The following XPO5 variants were observed in gnomAD, a reference collection of about 807,000 sequenced individuals.
XPO5 encodes exportin 5.
In XPO5, 46 loss-of-function variants were observed where a neutral mutation model predicts 160.6. The ratio of observed to expected loss-of-function variants is 0.29; its 90% confidence interval spans 0.23 to 0.37. The LOEUF is 0.37. Among genes scored for constraint, XPO5 ranks in the 10% least tolerant of loss-of-function variants. XPO5 has a pLI of 1.00. For synonymous variants in XPO5, 537 were observed against 519.3 expected (o/e 1.03, Z -0.46); for missense variants, 1,090 against 1,463.9 (o/e 0.74, Z 4.17).
chr6:43,555,317 AG>A (rs1331944362), intron 13 of XPO5: 2 of 153,174 alleles, frequency 1.3e-5, no homozygotes, highest in African/African-American at 4.8e-5. Flanking sequence ...AGTACAGAGA[AG>A]TTAACTGGCT....
At position 43,523,513 on chromosome 6, in the gene XPO5, C is replaced by T; in HGVS notation, c.*355G>A. 4.7e-6 allele frequency: 2 copies of T among 427,306 alleles called. No individual in the cohort carries two copies. The highest frequency in any genetic ancestry group is 3.1e-5 in the Admixed American group (1 of 32,012). The allele number at this position is 427,306 out of a possible 1,614,324, so 26.5% of individuals were successfully genotyped here. On this transcript the variant is annotated 3_prime_UTR_variant, in exon 32 of 32. Coordinates refer to ENST00000265351, the MANE Select transcript of XPO5 (RefSeq NM_020750.3). ...TTGCTAGTCGCAGGGTTGGGCACAG[C>T]ACCCTTAGTTACCATTCTGTACAGG...
intron 26 of XPO5, 124 bp downstream of exon 26, chr6:43,527,510 A>G: frequency 1.1e-6 from 1 of 915,200 alleles, no homozygotes; most frequent in Non-Finnish European, 1.7e-6. Flanking sequence ...TTGACCTCGC[A>G]ATCCACCATG....
rs536205936 is a variant in XPO5, at chr6:43,576,022, A to C, written c.-158T>G. 2 of 612,068 alleles carry C rather than the reference A, an allele frequency of 3.3e-6. No individual in the cohort carries two copies. The highest frequency in any genetic ancestry group is 5.4e-6 in the Non-Finnish European group (2 of 368,868). 37.9% of individuals were successfully genotyped at this position (612,068 alleles called of 1,614,324 possible). A position where few individuals can be genotyped will look rare whatever the true frequency, so the allele number is the denominator to read the frequency against. On this transcript the variant is annotated 5_prime_UTR_variant, in exon 1 of 32. Coordinates refer to ENST00000265351, the MANE Select transcript of XPO5 (RefSeq NM_020750.3). ...GTTAGCAGCAACTCGCGCTGGGAAGAAGCCGGCGCTGCGCACGCGCCCGGC... is the reference window on the plus strand; with the variant it reads ...GTTAGCAGCAACTCGCGCTGGGAAGCAGCCGGCGCTGCGCACGCGCCCGGC...
chr6:43,525,273 T>G lies in XPO5; in HGVS notation c.3067-59A>C. The G allele has an allele frequency of 1.4e-6, 2 of 1,477,864 alleles. 1 individual carries two copies. The highest frequency in any genetic ancestry group is 2.5e-5 in the South Asian group (2 of 80,796). The allele number at this position is 1,477,864 out of a possible 1,614,324, so 91.5% of individuals were successfully genotyped here. A position where few individuals can be genotyped will look rare whatever the true frequency, so the allele number is the denominator to read the frequency against. On this transcript the variant is annotated intron_variant, in intron 28 of 31. Coordinates refer to ENST00000265351, the MANE Select transcript of XPO5 (RefSeq NM_020750.3). ...AAAGAAGCACAGTTTTCTCTGATGA[T>G]TATTACACATCAGGAGCCGGAGGGT...
chr6:43,540,753 C>T lies in XPO5; in HGVS notation c.2342+5818G>A, dbSNP rs150378957. Among the ~76,000 whole-genome samples, 1,085 of 152,300 alleles carry T rather than the reference C, an allele frequency of 7.1e-3. 15 individuals carry two copies. The highest frequency in any genetic ancestry group is 0.025 in the African/African-American group (1,049 of 41,552). On this transcript the variant is annotated intron_variant, in intron 20 of 31. Transcript: ENST00000265351. ...GTGGCCTCCCAAAGTGCTGAGATTA[C>T]AGGCATGAGCCAACATGCCCAGCCC...
chr6:43,538,821 C>T (rs1302925637), intron 20 of XPO5: 1 of 1,071,084 alleles, frequency 9.3e-7, no homozygotes, highest in Non-Finnish European at 1.3e-6. Context: ...GTATAAAAAC[C>T]CTATGTTGTA....
chr6:43,528,041 T>G lies in XPO5; in HGVS notation c.2822+118A>C, dbSNP rs1793712251. 5.7e-6 allele frequency: 6 copies of G among 1,058,164 alleles called. No individual in the cohort carries two copies. The Admixed American group carries it at 1.2e-4, about 22-fold the overall frequency. 65.5% of individuals were successfully genotyped at this position (1,058,164 alleles called of 1,614,324 possible). A position where few individuals can be genotyped will look rare whatever the true frequency, so the allele number is the denominator to read the frequency against. ...AGCCATGTATCACCTAGGCTGAGAA[T>G]GACTACAACCTACTGCTCTTCTACC... On this transcript the variant is annotated intron_variant, in intron 25 of 31. Coordinates refer to ENST00000265351, the MANE Select transcript of XPO5 (RefSeq NM_020750.3).
intron 1 of XPO5, among the ~76,000 whole-genome samples, chr6:43,574,586 T>C (rs1214393062): frequency 1.3e-5 from 2 of 151,812 alleles, no homozygotes; most frequent in Non-Finnish European, 2.9e-5. Context: ...GCCCTACTAG[T>C]GTTGGAAAAA....
At chr6:43,568,305 T>TCAAAAA (rs369040749) in intron 6 of XPO5, among the ~76,000 whole-genome samples, 3 of 146,884 alleles carry the variant, frequency 2.0e-5, no homozygotes, top group East Asian at 2.1e-4. Flanking sequence ...AGACTCCGTC[T>TCAAAAA]CAAAAACAAA....
intron 24 of XPO5, 31 bp downstream of exon 24, chr6:43,528,797 C>G: frequency 9.4e-6 from 15 of 1,602,294 alleles, no homozygotes; most frequent in Non-Finnish European, 1.3e-5. Context: ...TAATAGTACT[C>G]TTTGCTTCCT....
chr6:43,559,635 T>C (rs897870076), intron 11 of XPO5, among the ~76,000 whole-genome samples: 4 of 152,232 alleles, frequency 2.6e-5, no homozygotes, highest in Admixed American at 6.5e-5. Context: ...AATTATTACA[T>C]TGTATGGTCA....
chr6:43,575,610 G>GA (rs2127761341), intron 1 of XPO5, 150 bp downstream of exon 1: 1 of 652,030 alleles, frequency 1.5e-6, no homozygotes, highest in African/African-American at 1.9e-5. Flanking sequence ...GAGAGGCGCG[G>GA]AGGGCCGCGA....
rs1561860110 is a variant in XPO5, at chr6:43,522,741, GTC to G, written c.*1125_*1126del. ...TGTCAGTGGACTGGATGGACAACAG[GTC>G]TGTTTTTGTGCAGAGCACATGGACA... On this transcript the variant is annotated 3_prime_UTR_variant, in exon 32 of 32. Transcript: ENST00000265351. The G allele has an allele frequency of 2.0e-6, 1 of 497,068 alleles. No homozygotes were observed. The highest frequency in any genetic ancestry group is 2.0e-5 in the Admixed American group (1 of 49,244). The allele number at this position is 497,068 out of a possible 1,614,324, so 30.8% of individuals were successfully genotyped here. A position where few individuals can be genotyped will look rare whatever the true frequency, so the allele number is the denominator to read the frequency against.
intron 9 of XPO5, chr6:43,561,892 G>C (rs1762435144): frequency 6.0e-6 from 1 of 166,604 alleles, no homozygotes; most frequent in Non-Finnish European, 1.3e-5. Context: ...ATTGGGAAAA[G>C]AGTTCTTTAT....
At chr6:43,569,344 A>G (rs1441831662) in intron 5 of XPO5, among the ~76,000 whole-genome samples, 1 of 152,098 alleles carries the variant, frequency 6.6e-6, no homozygotes, top group Non-Finnish European at 1.5e-5. Flanking sequence ...TGTTAAATAC[A>G]TCAGAATAGT....
chr6:43,541,425 CAAAA>C (rs908514531), intron 20 of XPO5, among the ~76,000 whole-genome samples: 1 of 152,118 alleles, frequency 6.6e-6, no homozygotes, highest in Admixed American at 6.5e-5. Context: ...AAAAAACTAA[CAAAA>C]AACATCCCCA....
intron 1 of XPO5, among the ~76,000 whole-genome samples, chr6:43,574,804 T>C (rs1478581839): frequency 6.6e-6 from 1 of 152,214 alleles, no homozygotes; most frequent in Non-Finnish European, 1.5e-5. Flanking sequence ...CTCTCCACTT[T>C]TGTGTCTATT....
chr6:43,569,109 A>G (rs763272520), intron 5 of XPO5, among the ~76,000 whole-genome samples: 1 of 152,072 alleles, frequency 6.6e-6, no homozygotes, highest in Non-Finnish European at 1.5e-5. Context: ...TCTGGCCAAC[A>G]TGGTGAAACC....
chr6:43,574,139 T>G (rs1481965294), intron 1 of XPO5, among the ~76,000 whole-genome samples: 1 of 151,830 alleles, frequency 6.6e-6, no homozygotes, highest in East Asian at 1.9e-4. Flanking sequence ...CCACTAAAAA[T>G]ATTTTTTTAA....
Sources: gnomAD v4.1 joint callset for allele counts (sites outside exome capture counted in the v4.1 genomes callset) on GRCh38, gnomAD v4.1.1 for gene constraint, MANE v1.5 for transcripts, NCBI Gene and HGNC (gene_info 2026-07-23, HGNC 2026-07-21) for gene names.